The following ZNF536 variants were observed in gnomAD, a reference collection of about 807,000 sequenced individuals.
ZNF536 encodes zinc finger protein 536.
Under a neutral mutation model 84.5 loss-of-function variants are expected in ZNF536, and 13 were observed. The ratio of observed to expected loss-of-function variants is 0.15; its 90% CI spans 0.10 to 0.24. The LOEUF (loss-of-function observed/expected upper bound fraction) is 0.24. Ranked by LOEUF, ZNF536 falls within the 10% of genes least tolerant of loss-of-function variation. The pLI, the probability that ZNF536 is intolerant of heterozygous loss-of-function variation, is 1.00. For synonymous variants in ZNF536, 811 were observed against 742.5 expected (o/e 1.09, Z -1.50); for missense variants, 1,536 against 1,747.5 (o/e 0.88, Z 2.16).
intron 1 of ZNF536, among the ~76,000 whole-genome samples, chr19:30,249,363 G>C (rs2024473172): frequency 6.7e-6 from 1 of 150,368 alleles, no homozygotes; most frequent in Non-Finnish European, 1.5e-5. Context: ...AGGAGGGGGA[G>C]GGGGACAAGG....
intron 2 of ZNF536, among the ~76,000 whole-genome samples, chr19:30,319,724 A>T (rs1484500992): frequency 1.3e-5 from 2 of 152,240 alleles, no homozygotes. Context: ...TTGCATCTCC[A>T]TTTTTGAGAT....
intron 2 of ZNF536, among the ~76,000 whole-genome samples, chr19:30,471,581 A>T (rs2053635417): frequency 6.6e-6 from 1 of 152,230 alleles, no homozygotes; most frequent in South Asian, 2.1e-4. Context: ...GGCCTGTGCC[A>T]GCTGTCCTTG....
At chr19:30,653,617 T>C (rs906120860) in intron 1 of ZNF536, among the ~76,000 whole-genome samples, 14 of 152,016 alleles carry the variant, frequency 9.2e-5, no homozygotes, top group African/African-American at 3.4e-4. Context: ...TCCGCTCCCT[T>C]AGGAGCAGAG....
upstream of ZNF536, among the ~76,000 whole-genome samples, chr19:30,227,532 G>A (rs1159764102): frequency 1.3e-5 from 2 of 152,206 alleles, no homozygotes; most frequent in Admixed American, 6.5e-5. Context: ...TTTGTCAGCC[G>A]CCTTCGTTTT....
intron 1 of ZNF536, among the ~76,000 whole-genome samples, chr19:30,229,576 G>A (rs1342424804): frequency 6.6e-6 from 1 of 151,854 alleles, no homozygotes; most frequent in East Asian, 1.9e-4. Flanking sequence ...GGTGGTGGGG[G>A]GGGCTCAGCT....
intron 1 of ZNF536, among the ~76,000 whole-genome samples, chr19:30,388,659 T>G (rs775011413): frequency 6.6e-6 from 1 of 152,236 alleles, no homozygotes; most frequent in Admixed American, 6.5e-5. Flanking sequence ...TCACGGTGTT[T>G]TCTTGCATGC....
chr19:30,341,290 T>C (rs527937114), intron 2 of ZNF536, among the ~76,000 whole-genome samples: 70 of 152,312 alleles, frequency 4.6e-4, no homozygotes, highest in Non-Finnish European at 9.3e-4. Flanking sequence ...TTTGTTGAGA[T>C]TGCAGTGATG....
chr19:30,411,112 A>G (rs1404884338), intron 1 of ZNF536, among the ~76,000 whole-genome samples: 2 of 152,210 alleles, frequency 1.3e-5, no homozygotes, highest in East Asian at 3.8e-4. Flanking sequence ...CTGCAAAAAA[A>G]TTTCTGGCAC....
intron 1 of ZNF536, among the ~76,000 whole-genome samples, chr19:30,587,545 T>C (rs1238782866): frequency 6.6e-6 from 1 of 152,170 alleles, no homozygotes; most frequent in Non-Finnish European, 1.5e-5. Flanking sequence ...ATCCAGGCAA[T>C]ACTGAAGGGC....
intron 1 of ZNF536, among the ~76,000 whole-genome samples, chr19:30,241,955 GC>G (rs2023969745): frequency 6.6e-6 from 1 of 152,122 alleles, no homozygotes; most frequent in Non-Finnish European, 1.5e-5. Flanking sequence ...AGAGGGAATG[GC>G]CTATGCAAAG....
intron 1 of ZNF536, among the ~76,000 whole-genome samples, chr19:30,587,305 C>T (rs2146746348): frequency 6.6e-6 from 1 of 152,300 alleles, no homozygotes; most frequent in Non-Finnish European, 1.5e-5. Context: ...ACCTTCAAAG[C>T]AGTCCAATGT....
intron 3 of ZNF536, among the ~76,000 whole-genome samples, chr19:30,354,468 A>G (rs748704728): frequency 5.9e-5 from 9 of 152,144 alleles, no homozygotes; most frequent in Non-Finnish European, 1.0e-4. Flanking sequence ...CCTGGGCTCA[A>G]GCAATCCTCC....
At chr19:30,272,099 A>G (rs1253915631) in intron 1 of ZNF536, among the ~76,000 whole-genome samples, 1 of 152,156 alleles carries the variant, frequency 6.6e-6, no homozygotes, top group African/African-American at 2.4e-5. Flanking sequence ...TAAGCACTGG[A>G]GAGATTTCCT....
intron 1 of ZNF536, among the ~76,000 whole-genome samples, chr19:30,384,886 C>A (rs7250940): frequency 1.3e-5 from 2 of 152,006 alleles, no homozygotes; most frequent in South Asian, 4.2e-4. Context: ...ATTAGCCAGG[C>A]GTGGTGGCAT....
chr19:30,535,868 G>A lies in ZNF536; in HGVS notation c.2323+869G>A, dbSNP rs572071703. Reference sequence around the variant, plus strand: ...AAAATAATTGTGGTTTATTTCCCAAGGAATCAATAAGGCTCTGGGTTGCAC... The same window carrying A: ...AAAATAATTGTGGTTTATTTCCCAAAGAATCAATAAGGCTCTGGGTTGCAC... On this transcript the variant is annotated intron_variant, in intron 3 of 4. Coordinates refer to ENST00000355537, the MANE Select transcript of ZNF536 (RefSeq NM_014717.3). Among the ~76,000 whole-genome samples, 3 of 152,250 alleles carry A rather than the reference G, an allele frequency of 2.0e-5. No individual in the cohort carries two copies. In the East Asian group the frequency reaches 5.8e-4, roughly 29 times the overall value.
At chr19:30,265,012 C>T (rs189398141) in intron 1 of ZNF536, among the ~76,000 whole-genome samples, 262 of 150,258 alleles carry the variant, frequency 1.7e-3, no homozygotes, top group Non-Finnish European at 2.4e-3. Context: ...ACACTCATCT[C>T]GCAGCCATTT....
intron 1 of ZNF536, among the ~76,000 whole-genome samples, chr19:30,443,228 C>T (rs62103362): frequency 0.036 from 5,490 of 151,972 alleles, 163 homozygotes; most frequent in South Asian, 0.077. Context: ...AATGGGGCAA[C>T]GGAGAAAAAG....
At chr19:30,361,509 G>T (rs1044949610) in intron 3 of ZNF536, among the ~76,000 whole-genome samples, 2 of 152,072 alleles carry the variant, frequency 1.3e-5, no homozygotes, top group African/African-American at 4.8e-5. Context: ...TAGAGATTTG[G>T]GGGGCTTTGC....
At chr19:30,544,750 G>T (rs2045475645) in intron 3 of ZNF536, among the ~76,000 whole-genome samples, 1 of 152,216 alleles carries the variant, frequency 6.6e-6, no homozygotes, top group Non-Finnish European at 1.5e-5. Flanking sequence ...GTCAGTGGGT[G>T]ACAAGTATGT....
Sources: allele counts gnomAD v4.1 joint callset (sites outside exome capture counted in the v4.1 genomes callset), GRCh38; gene constraint gnomAD v4.1.1; transcripts MANE v1.5; gene names NCBI Gene and HGNC (gene_info 2026-07-23, HGNC 2026-07-21).